The following CFLAR variants were observed in gnomAD, a reference collection of about 807,000 sequenced individuals.
The protein encoded by CFLAR is CASP8 and FADD-like apoptosis regulator.
Under a neutral mutation model 51.1 loss-of-function variants are expected in CFLAR, and 14 were observed. The ratio of observed to expected loss-of-function variants is 0.27; its 90% CI spans 0.18 to 0.43. The LOEUF is 0.43. Ranked by LOEUF, CFLAR falls within the 20% of genes least tolerant of loss-of-function variation. The probability of loss-of-function intolerance (pLI) is 1.00; values close to 1 mark genes in which losing one functional copy is unlikely to be tolerated. For synonymous variants in CFLAR, 210 were observed against 211.6 expected, an observed-to-expected ratio of 0.99 and a Z score of 0.06; for missense variants, 390 against 566.5, an observed-to-expected ratio of 0.69 and a Z score of 3.16.
chr2:201,151,890 A>G (rs963918561), intron 8 of CFLAR, among the ~76,000 whole-genome samples: 11 of 152,122 alleles, frequency 7.2e-5, no homozygotes, highest in Non-Finnish European at 1.5e-4. Flanking sequence ...CAGAGTTGAG[A>G]AATGGAATAT....
At chr2:201,161,604 T>G (rs1242975596) in intron 9 of CFLAR, among the ~76,000 whole-genome samples, 1 of 151,534 alleles carries the variant, frequency 6.6e-6, no homozygotes, top group Non-Finnish European at 1.5e-5. Flanking sequence ...TAGTAGAGAC[T>G]GGGTTTCACC....
chr2:201,120,559 TA>T (rs1360046436), intron 1 of CFLAR, among the ~76,000 whole-genome samples: 1 of 152,204 alleles, frequency 6.6e-6, no homozygotes, highest in Non-Finnish European at 1.5e-5. Context: ...AGTGAACTCT[TA>T]AGTTGAAGAA....
At chr2:201,129,046 C>A (rs2048978557) in intron 1 of CFLAR, among the ~76,000 whole-genome samples, 1 of 152,158 alleles carries the variant, frequency 6.6e-6, no homozygotes, top group Non-Finnish European at 1.5e-5. Context: ...GCCTCTGGCA[C>A]CTCCATGGGG....
intron 1 of CFLAR, among the ~76,000 whole-genome samples, chr2:201,125,097 T>TA (rs2048554848): frequency 6.6e-6 from 1 of 152,124 alleles, no homozygotes; most frequent in South Asian, 2.1e-4. Context: ...TGCAATATTT[T>TA]AAAAAACAGA....
Position 201,138,665 on chromosome 2 carries a change from C to CA in CFLAR, c.524-1690dup. The stretch of plus-strand genomic sequence containing the variant: ...AGAAGCCATGACGCATCTTGGCCTC[C>CA]AACACATCACCCACAGTGTGCAAGG... On this transcript the variant is annotated intron_variant, in intron 4 of 9. Coordinates refer to ENST00000309955, the MANE Select transcript of CFLAR (RefSeq NM_003879.7). The surrounding 1 kb of genome is among the most constrained non-coding windows in gnomAD (Gnocchi z 4.0). The CA allele has an allele frequency of 9.7e-7, 1 of 1,033,824 alleles. No individual in the cohort carries two copies. Among genetic ancestry groups the CA allele is most frequent in the Non-Finnish European group, 1.5e-6 (1 of 664,682 alleles). The allele number at this position is 1,033,824 out of a possible 1,614,324, so 64.0% of individuals were successfully genotyped here.
intron 1 of CFLAR, among the ~76,000 whole-genome samples, chr2:201,128,992 A>G (rs879393076): frequency 2.0e-5 from 3 of 152,162 alleles, no homozygotes; most frequent in East Asian, 3.8e-4. Context: ...CATCAGAAGC[A>G]CTAATGGCAA....
chr2:201,136,216 G>A, intron 4 of CFLAR, 109 bp downstream of exon 4: 4 of 1,609,658 alleles, frequency 2.5e-6, no homozygotes, highest in Non-Finnish European at 3.4e-6. Flanking sequence ...AATGGAACCT[G>A]GATGACCAAA....
At chr2:201,161,821 G>A (rs1575962550) in intron 9 of CFLAR, among the ~76,000 whole-genome samples, 2 of 134,574 alleles carry the variant, frequency 1.5e-5, no homozygotes, top group African/African-American at 2.8e-5. Flanking sequence ...ATCTTGGCTC[G>A]CTGCAACCTC....
intron 1 of CFLAR, among the ~76,000 whole-genome samples, chr2:201,123,361 A>G (rs1408042539): frequency 6.6e-6 from 1 of 152,150 alleles, no homozygotes; most frequent in Non-Finnish European, 1.5e-5. Context: ...AAACAAATTT[A>G]TTTCTCACAG....
At chr2:201,139,303 C>T (rs953222875) in intron 4 of CFLAR, 6 of 263,848 alleles carry the variant, frequency 2.3e-5, no homozygotes, top group Non-Finnish European at 3.7e-5. Context: ...TGCGGAAGGC[C>T]GCAGGGACCT....
chr2:201,144,690 C>A (rs527765985), intron 5 of CFLAR, among the ~76,000 whole-genome samples: 1 of 152,282 alleles, frequency 6.6e-6, no homozygotes, highest in South Asian at 2.1e-4. Flanking sequence ...CTGTACTTTG[C>A]CCCTGTGTTG....
chr2:201,169,078 A>G lies in CFLAR; in HGVS notation c.*5105A>G, dbSNP rs534874116. 2 of 152,318 alleles carry G rather than the reference A, an allele frequency of 1.3e-5. No individual in the cohort carries two copies. Among genetic ancestry groups the G allele is most frequent in the African/African-American group, 4.8e-5 (2 of 41,576 alleles). The allele number at this position is 152,318 out of a possible 1,614,324, so 9.4% of individuals were successfully genotyped here. On this transcript the variant is annotated 3_prime_UTR_variant, in exon 10 of 10. Transcript: ENST00000309955. ...TCATTGCTATTCCCATTAAACTACT[A>G]TTGACATTCTTCACAGAATTAGAAA...
In CFLAR at chr2:201,160,841, C is replaced by T; in HGVS notation, c.1203C>T (p.Phe401=). The change falls in exon 9 of 10, where the codon TTC becomes TTT. Residue 401 remains phenylalanine, a synonymous_variant. Transcript: ENST00000309955. ...GLCTVHREAD[F]FWSLCTADMS... is the part of the protein sequence containing the mutation. ...GCACAGTTCACCGAGAAGCTGACTT[C>T]TTCTGGAGCCTGTGTACTGCGGACA... 1 of 1,613,876 alleles carries T rather than the reference C, an allele frequency of 6.2e-7. No homozygotes were observed. The highest frequency in any genetic ancestry group is 2.2e-5 in the East Asian group (1 of 44,874).
intron 9 of CFLAR, among the ~76,000 whole-genome samples, chr2:201,161,259 T>A (rs576653104): frequency 6.6e-6 from 1 of 152,134 alleles, no homozygotes; most frequent in Non-Finnish European, 1.5e-5. Context: ...TAGTCCCAAC[T>A]GCTTGGGAGG....
At chr2:201,136,390 A>AG (rs747251359) in intron 4 of CFLAR, 1 of 1,598,470 alleles carries the variant, frequency 6.3e-7, no homozygotes, top group South Asian at 1.1e-5. Flanking sequence ...ACAGGCTGGC[A>AG]GAGCTATGGA....
chr2:201,141,247 TCCTA>T, intron 5 of CFLAR: 1 of 1,262,758 alleles, frequency 7.9e-7, no homozygotes. Context: ...AATGTTTTCT[TCCTA>T]CCCCTATAAT....
chr2:201,140,177 T>C, intron 4 of CFLAR, 180 bp from the exon 5 acceptor site: 1 of 627,034 alleles, frequency 1.6e-6, no homozygotes, highest in Non-Finnish European at 2.5e-6. Flanking sequence ...GGGCGCCCTA[T>C]ACTCCATTCT....
intron 6 of CFLAR, chr2:201,145,744 A>G (rs766002434): frequency 5.7e-5 from 14 of 245,988 alleles, no homozygotes; most frequent in African/African-American, 9.0e-5. Context: ...TCCAACCATG[A>G]TAATGAACCA....
At chr2:201,140,140 GGGCTGC>G (rs1233154001) in intron 4 of CFLAR, 7 of 313,348 alleles carry the variant, frequency 2.2e-5, no homozygotes, top group Non-Finnish European at 4.0e-5. Flanking sequence ...CTGGGGGCGG[GGGCTGC>G]GGCAGCGGCG....
Sources: gnomAD v4.1 joint callset for allele counts (sites outside exome capture counted in the v4.1 genomes callset) on GRCh38, gnomAD v4.1.1 for gene constraint, Gnocchi (gnomAD v3.1) non-coding constraint, MANE v1.5 for transcripts, NCBI Gene and HGNC (gene_info 2026-07-23, HGNC 2026-07-21) for gene names.